ARHGAP15: variants seen among roughly 807,000 people sequenced by gnomAD.
The protein encoded by ARHGAP15 is Rho GTPase activating protein 15.
ARHGAP15 carries 51 observed loss-of-function variants against 63.7 expected under a neutral mutation model. The ratio of observed to expected loss-of-function variants is 0.80; its 90% CI spans 0.64 to 1.01. The LOEUF is 1.01. Ranked by LOEUF, ARHGAP15 falls within the 50% of genes least tolerant of loss-of-function variation. ARHGAP15 has a pLI of 0.00. For missense variants in ARHGAP15, 560 were observed against 564.6 expected (o/e 0.99, Z 0.08); for synonymous variants, 191 against 193.8 (o/e 0.99, Z 0.12).
intron 6 of ARHGAP15, among the ~76,000 whole-genome samples, chr2:143,330,133 C>CAAAAAAAAAAAAAAAAAAAAAAAAAAAAT (rs1558898102): frequency 2.7e-5 from 1 of 37,358 alleles, no homozygotes; most frequent in African/African-American, 1.1e-4. Context: ...AAAAAAAAAC[C>CAAAAAAAAAAAAAAAAAAAAAAAAAAAAT]AAAAACAAAA....
intron 12 of ARHGAP15, among the ~76,000 whole-genome samples, chr2:143,636,074 T>C (rs1206028117): frequency 6.6e-6 from 1 of 152,114 alleles, no homozygotes; most frequent in African/African-American, 2.4e-5. Flanking sequence ...CCCCTTTCCT[T>C]TTTCTTCTCA....
chr2:143,187,018 T>C (rs1450437209), intron 2 of ARHGAP15, among the ~76,000 whole-genome samples: 1 of 152,158 alleles, frequency 6.6e-6, no homozygotes, highest in Non-Finnish European at 1.5e-5. Flanking sequence ...AATACGAAAA[T>C]GTTTCTGTGG....
At chr2:143,529,475 A>G (rs1396195963) in intron 10 of ARHGAP15, among the ~76,000 whole-genome samples, 1 of 152,126 alleles carries the variant, frequency 6.6e-6, no homozygotes, top group Non-Finnish European at 1.5e-5. Flanking sequence ...TACAAATAAG[A>G]TTGTGTTATC....
intron 11 of ARHGAP15, among the ~76,000 whole-genome samples, chr2:143,601,251 T>C (rs895736111): frequency 6.6e-6 from 1 of 152,190 alleles, no homozygotes; most frequent in Non-Finnish European, 1.5e-5. Flanking sequence ...ATTCAAAATA[T>C]AATGTTTTAA....
chr2:143,652,613 A>G (rs1034091061), intron 12 of ARHGAP15, among the ~76,000 whole-genome samples: 1 of 152,060 alleles, frequency 6.6e-6, no homozygotes, highest in Non-Finnish European at 1.5e-5. Flanking sequence ...ATTTTTCACA[A>G]CAGTGTTTTA....
At chr2:143,319,904 A>G (rs1451792982) in intron 6 of ARHGAP15, among the ~76,000 whole-genome samples, 1 of 152,264 alleles carries the variant, frequency 6.6e-6, no homozygotes, top group Non-Finnish European at 1.5e-5. Context: ...GAGTACACCA[A>G]GATCGGTAAA....
chr2:143,259,845 T>C (rs116319726), intron 6 of ARHGAP15, among the ~76,000 whole-genome samples: 7 of 152,314 alleles, frequency 4.6e-5, no homozygotes, highest in Non-Finnish European at 1.0e-4. Context: ...TGTTGTTGAC[T>C]GATGAATTTT....
At chr2:143,559,438 C>T (rs1695937102) in intron 11 of ARHGAP15, among the ~76,000 whole-genome samples, 1 of 152,148 alleles carries the variant, frequency 6.6e-6, no homozygotes, top group Non-Finnish European at 1.5e-5. Flanking sequence ...TAAACTGTCT[C>T]CCTGGTTTAT....
chr2:143,653,293 T>C (rs915681466), intron 12 of ARHGAP15, among the ~76,000 whole-genome samples: 4 of 152,146 alleles, frequency 2.6e-5, no homozygotes, highest in Non-Finnish European at 5.9e-5. Flanking sequence ...CATATCTATA[T>C]TTATAAAGCA....
In ARHGAP15 at chr2:143,300,334, T is replaced by C. The variant is rs749002283; in HGVS notation, c.474+49734T>C. 4.1e-4 allele frequency among the ~76,000 whole-genome samples: 63 copies of C among 152,022 alleles called. 1 individual carries two copies. Among genetic ancestry groups the C allele is most frequent in the Non-Finnish European group, 1.5e-4 (10 of 67,966 alleles). On this transcript the variant is annotated intron_variant, in intron 6 of 13. Transcript: ENST00000295095. ...GAGGAAGAATTAATTGCTAATACTA[T>C]ATATAATCATAATTTTTTCATATAT...
intron 12 of ARHGAP15, among the ~76,000 whole-genome samples, chr2:143,681,601 C>T (rs373839325): frequency 1.3e-5 from 2 of 152,134 alleles, no homozygotes; most frequent in Admixed American, 6.5e-5. Flanking sequence ...GTAAGCATAG[C>T]GACCATTCAT....
intron 6 of ARHGAP15, among the ~76,000 whole-genome samples, chr2:143,390,085 T>C (rs1309262452): frequency 6.6e-6 from 1 of 151,470 alleles, no homozygotes; most frequent in Non-Finnish European, 1.5e-5. Flanking sequence ...GAAGATTGAA[T>C]ATTTCTATGT....
intron 8 of ARHGAP15, among the ~76,000 whole-genome samples, chr2:143,467,242 C>CTTTTTTTTTTTTTTTTTT (rs202115707): frequency 1.0e-4 from 6 of 57,894 alleles, no homozygotes; most frequent in African/African-American, 2.3e-4. Context: ...ACTCCATGGC[C>CTTTTTTTTTTTTTTTTTT]TTTTTTTTTT....
chr2:143,430,476 TA>T (rs1198567411), intron 6 of ARHGAP15, among the ~76,000 whole-genome samples: 3 of 152,054 alleles, frequency 2.0e-5, no homozygotes, highest in African/African-American at 7.2e-5. Context: ...ATTTAGCTAT[TA>T]GTATAACCAT....
At chr2:143,466,572 A>G (rs889054305) in intron 8 of ARHGAP15, among the ~76,000 whole-genome samples, 1 of 152,112 alleles carries the variant, frequency 6.6e-6, no homozygotes, top group Admixed American at 6.6e-5. Flanking sequence ...TCCAATACTC[A>G]TAAATCAAGC....
intron 13 of ARHGAP15, among the ~76,000 whole-genome samples, chr2:143,709,530 A>G (rs1684482925): frequency 6.6e-6 from 1 of 152,242 alleles, no homozygotes; most frequent in African/African-American, 2.4e-5. Context: ...CCAGCTGTTC[A>G]TAGAATTCCA....
At chr2:143,368,284 C>A (rs10208099) in intron 6 of ARHGAP15, among the ~76,000 whole-genome samples, 97,568 of 151,712 alleles carry the variant, frequency 0.64, 32,219 homozygotes, top group African/African-American at 0.8. Context: ...GCGTCTTAGA[C>A]GACTTTCTAG....
At position 143,468,655 on chromosome 2, in the gene ARHGAP15, A is replaced by T. The variant is rs71411381; in HGVS notation, c.704-18718A>T. On this transcript the variant is annotated intron_variant, in intron 8 of 13. Transcript: ENST00000295095. The stretch of plus-strand genomic sequence containing the variant: ...TTGTGAGAGAGAGAGAGAGAGAGAG[A>T]GAGAGAGAGTGTGTGTGTGTGTGTG... 1.3e-4 allele frequency among the ~76,000 whole-genome samples: 17 copies of T among 128,208 alleles called. No homozygotes were observed. The East Asian group carries it at 2.2e-3, about 17-fold the overall frequency. The allele number at this position is 128,208 out of a possible 152,430, so 84.1% of individuals were successfully genotyped here. A position where few individuals can be genotyped will look rare whatever the true frequency, so the allele number is the denominator to read the frequency against.
chr2:143,168,282 A>G (rs1403464348), intron 2 of ARHGAP15, among the ~76,000 whole-genome samples: 1 of 152,016 alleles, frequency 6.6e-6, no homozygotes, highest in Non-Finnish European at 1.5e-5. Flanking sequence ...AGTGCAAGCA[A>G]TCCTCCTGTT....
Sources: gnomAD v4.1 joint callset for allele counts (sites outside exome capture counted in the v4.1 genomes callset) on GRCh38, gnomAD v4.1.1 for gene constraint, MANE v1.5 for transcripts, NCBI Gene and HGNC (gene_info 2026-07-23, HGNC 2026-07-21) for gene names.